TBL1XR1: variants seen among roughly 807,000 people sequenced by gnomAD.
The protein encoded by TBL1XR1 is TBL1X/Y related 1.
In TBL1XR1, 5 loss-of-function variants were observed where a neutral mutation model predicts 66.9. The ratio of observed to expected loss-of-function variants is 0.07; its 90% CI spans 0.04 to 0.16. The LOEUF (loss-of-function observed/expected upper bound fraction) is 0.16, where lower values mean the gene tolerates loss of function less well. Ranked by LOEUF, TBL1XR1 falls within the 10% of genes least tolerant of loss-of-function variation. The pLI is 1.00. For synonymous variants in TBL1XR1, 210 were observed against 206.0 expected, an observed-to-expected ratio of 1.02 and a Z score of -0.17; for missense variants, 238 against 623.2, an observed-to-expected ratio of 0.38 and a Z score of 6.58.
At chr3:177,143,795 CAG>C (rs1013713945) in intron 1 of TBL1XR1, among the ~76,000 whole-genome samples, 37 of 151,902 alleles carry the variant, frequency 2.4e-4, no homozygotes, top group African/African-American at 8.0e-4. Flanking sequence ...CAGGCTCTAA[CAG>C]AATTAAATTA....
rs560440989 is a variant in TBL1XR1 at position 177,021,043 on chromosome 3, G to A, written c.*4455C>T. 6 of 152,252 alleles carry A rather than the reference G, an allele frequency of 3.9e-5. No individual in the cohort carries two copies. Among genetic ancestry groups the A allele is most frequent in the Admixed American group, 3.9e-4 (6 of 15,288 alleles). 9.4% of individuals were successfully genotyped at this position (152,252 alleles called of 1,614,324 possible). On this transcript the variant is annotated 3_prime_UTR_variant, in exon 16 of 16. Coordinates refer to ENST00000457928, the MANE Select transcript of TBL1XR1 (RefSeq NM_024665.7). Reference sequence around the variant, plus strand: ...TTTAACATGTACAAAAACCTGTCATGGGCTGGTTTACACTTTTACAACAGT... The same window carrying A: ...TTTAACATGTACAAAAACCTGTCATAGGCTGGTTTACACTTTTACAACAGT...
rs370013083 is a variant in TBL1XR1, at chr3:177,021,489, T to TA, written c.*4008dup. ...CTACTGATATAAGACATCAAATTTC[T>TA]AAATCAGTGTATTAAAAAAGTGAAC... is the stretch of plus-strand genomic sequence containing the variant. On this transcript the variant is annotated 3_prime_UTR_variant, in exon 16 of 16. Coordinates refer to ENST00000457928, the MANE Select transcript of TBL1XR1 (RefSeq NM_024665.7). 2.0e-5 allele frequency: 3 copies of TA among 152,578 alleles called. No homozygotes were observed. Among genetic ancestry groups the TA allele is most frequent in the Admixed American group, 6.5e-5 (1 of 15,274 alleles). The allele number at this position is 152,578 out of a possible 1,614,324, so 9.5% of individuals were successfully genotyped here.
intron 1 of TBL1XR1, among the ~76,000 whole-genome samples, chr3:177,144,872 G>C (rs1186321130): frequency 6.6e-6 from 1 of 152,138 alleles, no homozygotes; most frequent in Non-Finnish European, 1.5e-5. Flanking sequence ...TTTTTAACTT[G>C]TCACAAAATA....
intron 1 of TBL1XR1, chr3:177,194,096 T>G (rs1231927501): frequency 1.3e-5 from 2 of 152,178 alleles, no homozygotes; most frequent in Non-Finnish European, 2.9e-5. Flanking sequence ...AACAGCCAAA[T>G]CTCTCCAGCA....
chr3:177,151,776 C>G (rs1013756445), intron 1 of TBL1XR1, among the ~76,000 whole-genome samples: 1 of 152,208 alleles, frequency 6.6e-6, no homozygotes, highest in South Asian at 2.1e-4. Context: ...TGGCTCACAC[C>G]TGTAATCCCA....
intron 1 of TBL1XR1, among the ~76,000 whole-genome samples, chr3:177,115,305 T>C (rs528012156): frequency 4.4e-4 from 67 of 152,308 alleles, no homozygotes; most frequent in African/African-American, 1.3e-3. Flanking sequence ...GAACTTCACC[T>C]GATGGAGTCA....
Position 177,069,793 on chromosome 3 carries a change from A to AAAAGGAAGGAAGGAAGG in TBL1XR1, c.-45-4772_-45-4771insCCTTCCTTCCTTCCTTT, listed in dbSNP as rs1553824721. ...GGAAGGAAAGGAAGGAAAAGGAAGG[A>AAAAGGAAGGAAGGAAGG]AAGGAAGGAAGGAAGGAAGGAAGGA... is the stretch of plus-strand genomic sequence containing the variant. On this transcript the variant is annotated intron_variant, in intron 2 of 15. Transcript: ENST00000457928. 1.3e-4 allele frequency among the ~76,000 whole-genome samples: 12 copies of AAAAGGAAGGAAGGAAGG among 92,418 alleles called. No individual in the cohort carries two copies. The East Asian group carries it at 3.4e-3, about 26-fold the overall frequency. The allele number at this position is 92,418 out of a possible 152,430, so 60.6% of individuals were successfully genotyped here. A position where few individuals can be genotyped will look rare whatever the true frequency, so the allele number is the denominator to read the frequency against.
intron 1 of TBL1XR1, among the ~76,000 whole-genome samples, chr3:177,133,222 G>A (rs1413590107): frequency 2.0e-5 from 3 of 152,302 alleles, no homozygotes; most frequent in African/African-American, 7.2e-5. Flanking sequence ...GGGAGGCAGA[G>A]GCTGCAGTGA....
In TBL1XR1 at chr3:177,178,259, T is replaced by C. The variant is rs75270559; in HGVS notation, c.-122+18862A>G. On this transcript the variant is annotated intron_variant, in intron 1 of 15. Transcript: ENST00000457928. ...TAAGATGTTTGAACTTTATACTGAG[T>C]GTGATCAAAAACCCTTAAAGGAAGG... 6.8e-3 allele frequency among the ~76,000 whole-genome samples: 1,040 copies of C among 152,190 alleles called. 4 individuals carry two copies. Among genetic ancestry groups the C allele is most frequent in the Non-Finnish European group, 7.4e-3 (503 of 68,018 alleles).
chr3:177,133,064 G>A (rs1158517994), intron 1 of TBL1XR1, among the ~76,000 whole-genome samples: 1 of 152,174 alleles, frequency 6.6e-6, no homozygotes, highest in Non-Finnish European at 1.5e-5. Flanking sequence ...CAAGGCAGGA[G>A]GATTACCTGT....
chr3:177,056,563 T>TA, intron 3 of TBL1XR1, among the ~76,000 whole-genome samples: 1 of 152,350 alleles, frequency 6.6e-6, no homozygotes, highest in South Asian at 2.1e-4. Context: ...GTTCCAAACT[T>TA]AAATGCTCTG....
chr3:177,149,255 A>G (rs1730608571), intron 1 of TBL1XR1, among the ~76,000 whole-genome samples: 1 of 152,080 alleles, frequency 6.6e-6, no homozygotes. Flanking sequence ...TTTAGTGTTC[A>G]GTATCCCTGG....
chr3:177,079,590 G>T (rs1721147885), intron 2 of TBL1XR1: 1 of 151,770 alleles, frequency 6.6e-6, no homozygotes, highest in Non-Finnish European at 1.5e-5. Flanking sequence ...TGATAAAGTG[G>T]CAGTCATCAT....
intron 2 of TBL1XR1, among the ~76,000 whole-genome samples, chr3:177,083,851 A>G (rs1218882508): frequency 6.6e-6 from 1 of 151,980 alleles, no homozygotes. Flanking sequence ...GCACTCTGGG[A>G]AGCTGAGGCG....
chr3:177,109,946 T>G (rs904326910), intron 1 of TBL1XR1, among the ~76,000 whole-genome samples: 1 of 152,194 alleles, frequency 6.6e-6, no homozygotes, highest in Non-Finnish European at 1.5e-5. Flanking sequence ...TATCTTGGTG[T>G]TGTCCGCTTA....
chr3:177,049,340 A>G (rs1716742067), intron 7 of TBL1XR1, among the ~76,000 whole-genome samples: 1 of 152,202 alleles, frequency 6.6e-6, no homozygotes, highest in South Asian at 2.1e-4. Context: ...GGGGTAGCGG[A>G]GCGAGGTAAG....
intron 2 of TBL1XR1, among the ~76,000 whole-genome samples, chr3:177,090,223 G>A (rs1722651826): frequency 6.6e-6 from 1 of 152,106 alleles, no homozygotes; most frequent in African/African-American, 2.4e-5. Context: ...TTACATTTGA[G>A]CAAGATAAAC....
At chr3:177,107,217 G>C (rs551881786) in intron 1 of TBL1XR1, among the ~76,000 whole-genome samples, 4 of 152,206 alleles carry the variant, frequency 2.6e-5, no homozygotes, top group Admixed American at 6.5e-5. Flanking sequence ...CTAGATATTA[G>C]GTTCAGAATT....
chr3:177,123,000 T>C (rs1244302008), intron 1 of TBL1XR1, among the ~76,000 whole-genome samples: 6 of 152,098 alleles, frequency 3.9e-5, no homozygotes, highest in Admixed American at 3.9e-4. Flanking sequence ...TGAGCAATAT[T>C]CTCCCCACAT....
Sources: allele counts gnomAD v4.1 joint callset (sites outside exome capture counted in the v4.1 genomes callset), GRCh38; gene constraint gnomAD v4.1.1; transcripts MANE v1.5; gene names NCBI Gene and HGNC (gene_info 2026-07-23, HGNC 2026-07-21).